The following FAR2 variants were observed in gnomAD, a reference collection of about 807,000 sequenced individuals.
FAR2 encodes epididymis secretory protein Li 81.
FAR2 carries 19 observed loss-of-function variants against 56.0 expected under a neutral mutation model. That is an observed-to-expected ratio of 0.34 (90% confidence interval 0.24 to 0.50). The LOEUF is 0.50. Ranked by LOEUF, FAR2 falls within the 20% of genes least tolerant of loss-of-function variation. FAR2 has a pLI of 0.98. For synonymous variants in FAR2, 219 were observed against 218.8 expected (o/e 1.00, Z -0.01); for missense variants, 508 against 642.2 (o/e 0.79, Z 2.26).
At chr12:29,158,393 G>A (rs890651155) in intron 1 of FAR2, among the ~76,000 whole-genome samples, 1 of 152,228 alleles carries the variant, frequency 6.6e-6, no homozygotes, top group East Asian at 1.9e-4. Context: ...TCTCAAAGCT[G>A]CAGGAATCTT....
chr12:29,297,199 G>C lies in FAR2; in HGVS notation c.544G>C (p.Glu182Gln), dbSNP rs1404632290. 1 of 1,610,398 alleles carries C rather than the reference G, an allele frequency of 6.2e-7. No individual in the cohort carries two copies. Among genetic ancestry groups the C allele is most frequent in the Non-Finnish European group, 8.5e-7 (1 of 1,178,798 alleles). ...GCCAAAAAAAATCATTGATTCCCTT[G>C]AGTAAGTTGGTCTAATAAAAGGATC... Reference protein sequence around the residue: ...VEPKKIIDSLEWLDDAIIDEI... With the variant: ...VEPKKIIDSLQWLDDAIIDEI... Residue 182 changes from glutamate to glutamine, a missense_variant and splice_region_variant, in exon 4 of 12, where the codon GAG becomes CAG. Transcript: ENST00000536681.
chr12:29,287,986 C>T (rs1162176263), intron 2 of FAR2, among the ~76,000 whole-genome samples: 1 of 152,142 alleles, frequency 6.6e-6, no homozygotes, highest in Non-Finnish European at 1.5e-5. Context: ...TTAAACCAGA[C>T]AAATTTTTTT....
intron 2 of FAR2, among the ~76,000 whole-genome samples, chr12:29,285,088 G>A (rs908580470): frequency 2.0e-5 from 3 of 152,128 alleles, no homozygotes; most frequent in Non-Finnish European, 4.4e-5. Flanking sequence ...TGATCTGCCT[G>A]CCTCTGCCTC....
At chr12:29,262,735 A>G (rs1160990457) in intron 1 of FAR2, among the ~76,000 whole-genome samples, 2 of 152,238 alleles carry the variant, frequency 1.3e-5, no homozygotes, top group Non-Finnish European at 2.9e-5. Context: ...GAAGGAAGGA[A>G]GAGAAGACCA....
At chr12:29,276,974 A>G (rs1054266569) in intron 2 of FAR2, among the ~76,000 whole-genome samples, 4 of 151,784 alleles carry the variant, frequency 2.6e-5, no homozygotes, top group Non-Finnish European at 5.9e-5. Context: ...TACGTTTTTT[A>G]TAAAATATTT....
At chr12:29,222,609 C>T (rs1947708487) in intron 1 of FAR2, among the ~76,000 whole-genome samples, 1 of 150,684 alleles carries the variant, frequency 6.6e-6, no homozygotes, top group Non-Finnish European at 1.5e-5. Context: ...CATGGGACAC[C>T]TTGATATCAC....
At chr12:29,191,866 T>C (rs1038536308) in intron 1 of FAR2, among the ~76,000 whole-genome samples, 1 of 152,212 alleles carries the variant, frequency 6.6e-6, no homozygotes, top group South Asian at 2.1e-4. Flanking sequence ...CAAAATCTCA[T>C]CCACTCCTAG....
rs188332137 is a variant in FAR2 at position 29,263,614 on chromosome 12, G to A, written c.-38-6798G>A. ...AATGAAAATGGAAACACAGCATACC[G>A]AAACCTATGGGATACAGTGAAAGCT... On this transcript the variant is annotated intron_variant, in intron 1 of 11. Coordinates refer to ENST00000536681, the MANE Select transcript of FAR2 (RefSeq NM_001271783.2). Among the ~76,000 whole-genome samples, 575 of 150,844 alleles carry A rather than the reference G, an allele frequency of 3.8e-3. 3 individuals are homozygous for A. Among genetic ancestry groups the A allele is most frequent in the African/African-American group, 9.4e-3 (387 of 41,158 alleles).
rs371306797 is a variant in FAR2 at position 29,193,862 on chromosome 12, AC to A, written c.-39+44457del. Among the ~76,000 whole-genome samples, 804 of 152,258 alleles carry A rather than the reference AC, an allele frequency of 5.3e-3. 7 individuals carry two copies. The highest frequency in any genetic ancestry group is 0.017 in the Middle Eastern group (5 of 294). On this transcript the variant is annotated intron_variant, in intron 1 of 11. Transcript: ENST00000536681. ...AGTAGCTGTACCATTTTGTATTCCC[AC>A]CATTAATGAATGAGAGTTCCTATCG...
chr12:29,284,931 T>A lies in FAR2; in HGVS notation c.190-8369T>A, dbSNP rs1210321282. Among the ~76,000 whole-genome samples, 10 of 152,120 alleles carry A rather than the reference T, an allele frequency of 6.6e-5. No individual in the cohort carries two copies. In the East Asian group the frequency reaches 1.7e-3, roughly 26 times the overall value. On this transcript the variant is annotated intron_variant, in intron 2 of 11. Coordinates refer to ENST00000536681, the MANE Select transcript of FAR2 (RefSeq NM_001271783.2). ...ATCTCGGCTCACTGCAAGCTCCACC[T>A]CCCGGGTTCACGCCATTCTCCTGCC... is the stretch of plus-strand genomic sequence containing the variant.
chr12:29,302,797 C>T (rs949450970), intron 4 of FAR2, among the ~76,000 whole-genome samples: 2 of 151,708 alleles, frequency 1.3e-5, no homozygotes, highest in Admixed American at 6.6e-5. Context: ...AGGGAGTAGA[C>T]GGAGGAAGCG....
chr12:29,271,808 G>A (rs189188365), intron 2 of FAR2, among the ~76,000 whole-genome samples: 1 of 152,292 alleles, frequency 6.6e-6, no homozygotes, highest in Admixed American at 6.5e-5. Flanking sequence ...CTTACTTCAT[G>A]TATCTTTGCA....
At chr12:29,265,485 T>A (rs1948499060) in intron 1 of FAR2, among the ~76,000 whole-genome samples, 1 of 152,172 alleles carries the variant, frequency 6.6e-6, no homozygotes, top group Admixed American at 6.5e-5. Flanking sequence ...TGCAGAAGAA[T>A]GAAACTAGAC....
At chr12:29,281,703 TGAAA>T (rs1310436316) in intron 2 of FAR2, among the ~76,000 whole-genome samples, 1 of 147,892 alleles carries the variant, frequency 6.8e-6, no homozygotes, top group Non-Finnish European at 1.5e-5. Context: ...AATGAAGAAG[TGAAA>T]GAAAGAAGGT....
intron 1 of FAR2, among the ~76,000 whole-genome samples, chr12:29,158,796 T>G (rs1432532524): frequency 6.6e-6 from 1 of 152,228 alleles, no homozygotes; most frequent in East Asian, 1.9e-4. Context: ...AATGTTCAAG[T>G]ACCATATCTA....
chr12:29,311,802 T>C, intron 7 of FAR2, 81 bp from the exon 8 acceptor site: 2 of 1,032,058 alleles, frequency 1.9e-6, no homozygotes, highest in South Asian at 3.1e-5. Context: ...AACCACTCTG[T>C]CTAAATATTA....
intron 1 of FAR2, among the ~76,000 whole-genome samples, chr12:29,181,134 A>G (rs1269062802): frequency 6.6e-6 from 1 of 152,148 alleles, no homozygotes; most frequent in Non-Finnish European, 1.5e-5. Flanking sequence ...TATGCTTAGA[A>G]TCTTTCAAAT....
intron 1 of FAR2, among the ~76,000 whole-genome samples, chr12:29,179,974 G>C (rs1303339754): frequency 6.6e-6 from 1 of 152,202 alleles, no homozygotes; most frequent in East Asian, 1.9e-4. Flanking sequence ...TGAGGAGTAT[G>C]GATATTACAG....
chr12:29,321,984 T>A (rs1276193804), intron 10 of FAR2, 60 bp downstream of exon 10: 2 of 1,545,128 alleles, frequency 1.3e-6, no homozygotes, highest in African/African-American at 2.8e-5. Context: ...TTTAGAATTA[T>A]TTGATTTGGA....
Sources: allele counts gnomAD v4.1 joint callset (sites outside exome capture counted in the v4.1 genomes callset), GRCh38; gene constraint gnomAD v4.1.1; transcripts MANE v1.5; gene names NCBI Gene and HGNC (gene_info 2026-07-23, HGNC 2026-07-21).